The following ANKMY2 variants were observed in gnomAD, a reference collection of about 807,000 sequenced individuals.
ANKMY2 encodes the protein ankyrin repeat and MYND domain containing 2.
ANKMY2 carries 36 observed loss-of-function variants against 50.4 expected under a neutral mutation model. The observed-to-expected ratio is 0.71, with a 90% CI of 0.55 to 0.94. The LOEUF is 0.94. Among genes scored for constraint, ANKMY2 ranks in the 40% least tolerant of loss-of-function variants. ANKMY2 has a pLI of 0.00. For missense variants in ANKMY2, 565 were observed against 524.0 expected, an observed-to-expected ratio of 1.08 and a Z score of -0.76; for synonymous variants, 187 against 178.8, an observed-to-expected ratio of 1.05 and a Z score of -0.36.
intron 7 of ANKMY2, among the ~76,000 whole-genome samples, chr7:16,607,669 T>G (rs1034982914): frequency 3.3e-4 from 2 of 5,980 alleles, no homozygotes; most frequent in East Asian, 0.25. Context: ...ATTGACCTGC[T>G]TTTTTTTTTT....
intron 4 of ANKMY2, among the ~76,000 whole-genome samples, chr7:16,619,698 A>G (rs1357791): frequency 0.017 from 2,643 of 152,264 alleles, 83 homozygotes; most frequent in African/African-American, 0.06. Flanking sequence ...ATACATAAAT[A>G]AAATAATACT....
chr7:16,632,284 T>C (rs1446433803), intron 2 of ANKMY2, among the ~76,000 whole-genome samples: 1 of 152,208 alleles, frequency 6.6e-6, no homozygotes, highest in East Asian at 1.9e-4. Flanking sequence ...TCAATTAATT[T>C]GTACAAATAA....
In ANKMY2 at chr7:16,645,434, G is replaced by A. The variant is rs531039218; in HGVS notation, c.67+73C>T. ...CCGCAGCCAAAGGTCACCCAGGCCAGGAGCGCCCCCCGGGCTCCGCCACGC... is the reference window on the plus strand; with the variant it reads ...CCGCAGCCAAAGGTCACCCAGGCCAAGAGCGCCCCCCGGGCTCCGCCACGC... On this transcript the variant is annotated intron_variant, in intron 1 of 9. Transcript: ENST00000306999. The A allele has an allele frequency of 9.7e-4, 1,424 of 1,460,862 alleles. 5 individuals are homozygous for A. Among genetic ancestry groups the A allele is most frequent in the Middle Eastern group, 3.8e-3 (17 of 4,476 alleles). 90.5% of individuals were successfully genotyped at this position (1,460,862 alleles called of 1,614,324 possible).
intron 2 of ANKMY2, among the ~76,000 whole-genome samples, chr7:16,632,395 T>C (rs73310792): frequency 0.023 from 3,538 of 152,216 alleles, 152 homozygotes; most frequent in African/African-American, 0.081. Flanking sequence ...TTAGCAGTCA[T>C]TTCCCACTTC....
At chr7:16,629,530 T>C (rs544166203) in intron 2 of ANKMY2, among the ~76,000 whole-genome samples, 1 of 151,890 alleles carries the variant, frequency 6.6e-6, no homozygotes, top group African/African-American at 2.4e-5. Flanking sequence ...AGTGAGACTC[T>C]GTCTCAAAAA....
rs746533214 is a variant in ANKMY2, at chr7:16,610,528, AC to A, written c.746+20del. On this transcript the variant is annotated intron_variant, in intron 6 of 9. Transcript: ENST00000306999. ...ATATTCACTTGAGTGTATTTTATAA[AC>A]GACATAGTAAAAAGAGTACCTTTTG... 18 of 1,565,588 alleles carry A rather than the reference AC, an allele frequency of 1.1e-5. No individual in the cohort carries two copies. Among genetic ancestry groups the A allele is most frequent in the Non-Finnish European group, 8.7e-7 (1 of 1,146,478 alleles).
rs544227608 is a variant in ANKMY2 at position 16,600,841 on chromosome 7, T to C, written c.1246A>G (p.Lys416Glu). 3 of 1,613,618 alleles carry C rather than the reference T, an allele frequency of 1.9e-6. No homozygotes were observed. The African/African-American group carries it at 4.0e-5, about 22-fold the overall frequency. The change falls in exon 10 of 10, where the codon AAG becomes GAG. Residue 416 changes from lysine (K) to glutamate (E), a missense_variant. By Grantham distance (56) the Lys-to-Glu change is moderately conservative (BLOSUM62 1). Transcript: ENST00000306999. ...DSNPEDSGEG[K>E]KESLESEAEL... ...GCTTCGCTTTCAAGAGATTCTTTCT[T>C]TCCTTCCCCGGAATCTTCAGGATTG...
chr7:16,611,140 T>G (rs1781244174), intron 5 of ANKMY2, among the ~76,000 whole-genome samples: 1 of 152,220 alleles, frequency 6.6e-6, no homozygotes, highest in Non-Finnish European at 1.5e-5. Flanking sequence ...CAATAACCAC[T>G]TTTAGTTAAC....
At chr7:16,626,651 A>C (rs1439578092) in intron 3 of ANKMY2, among the ~76,000 whole-genome samples, 1 of 152,222 alleles carries the variant, frequency 6.6e-6, no homozygotes, top group Non-Finnish European at 1.5e-5. Flanking sequence ...TATTTAGTAC[A>C]TAAGTGCCAG....
intron 4 of ANKMY2, among the ~76,000 whole-genome samples, chr7:16,617,218 T>C (rs569136536): frequency 1.3e-5 from 2 of 152,334 alleles, no homozygotes; most frequent in South Asian, 4.1e-4. Flanking sequence ...CCTGTGTTGA[T>C]TTTGATGCTG....
At chr7:16,601,517 A>G (rs1199484659) in intron 9 of ANKMY2, among the ~76,000 whole-genome samples, 5 of 152,264 alleles carry the variant, frequency 3.3e-5, no homozygotes, top group Admixed American at 2.0e-4. Context: ...AAGTTTGGTC[A>G]AGAAAACAAG....
At chr7:16,621,744 C>T (rs911911226) in intron 4 of ANKMY2, among the ~76,000 whole-genome samples, 3 of 151,876 alleles carry the variant, frequency 2.0e-5, no homozygotes, top group African/African-American at 7.3e-5. Flanking sequence ...GGAGGTGGGA[C>T]GATCACCTAA....
chr7:16,643,504 T>C (rs1034584294), intron 1 of ANKMY2, among the ~76,000 whole-genome samples: 1 of 152,052 alleles, frequency 6.6e-6, no homozygotes, highest in Admixed American at 6.5e-5. Flanking sequence ...ATTGGCATGG[T>C]CCAATGAAAG....
chr7:16,609,754 C>T lies in ANKMY2; in HGVS notation c.758G>A (p.Gly253Asp), dbSNP rs1426620751. Residue 253 changes from glycine (G) to aspartate (D), a missense_variant, in exon 7 of 10, where the codon GGC (glycine) becomes GAC (aspartate). Transcript: ENST00000306999. Reference protein sequence around the residue: ...LDTLIKSLLKGRASDGFPVYQ... With the variant: ...LDTLIKSLLKDRASDGFPVYQ... ...CACTGGAAAGCCATCAGAAGCTCGG[C>T]CTTTTAACAAGCTGAAAGATATTTT... 2.5e-6 allele frequency: 4 copies of T among 1,607,754 alleles called. No individual in the cohort carries two copies. The highest frequency in any genetic ancestry group is 3.4e-6 in the Non-Finnish European group (4 of 1,178,018).
At chr7:16,606,190 C>T (rs530533691) in intron 7 of ANKMY2, among the ~76,000 whole-genome samples, 5 of 152,024 alleles carry the variant, frequency 3.3e-5, no homozygotes, top group East Asian at 2.0e-4. Context: ...CAGTACTGTG[C>T]GAGGCCAAGG....
intron 7 of ANKMY2, among the ~76,000 whole-genome samples, chr7:16,605,141 C>G (rs1583666421): frequency 3.3e-5 from 5 of 152,270 alleles, no homozygotes; most frequent in Admixed American, 3.3e-4. Flanking sequence ...TCAGTAAGCC[C>G]ATAGCGTTTC....
intron 4 of ANKMY2, among the ~76,000 whole-genome samples, chr7:16,624,111 G>C (rs1273899556): frequency 3.3e-5 from 5 of 152,064 alleles, no homozygotes; most frequent in Admixed American, 1.3e-4. Flanking sequence ...TACCCTTTAA[G>C]TGCCAAGAAA....
chr7:16,644,904 C>T, intron 1 of ANKMY2: 1 of 346,480 alleles, frequency 2.9e-6, no homozygotes, highest in Non-Finnish European at 5.7e-6. Context: ...GAGGCCTCGC[C>T]AATTTCCTTG....
intron 7 of ANKMY2, among the ~76,000 whole-genome samples, chr7:16,607,668 CTTTTTTTTTTTTT>C (rs60554872): frequency 3.1e-4 from 39 of 126,194 alleles, no homozygotes; most frequent in Middle Eastern, 4.4e-3. Context: ...TATTGACCTG[CTTTTTTTTTTTTT>C]TTTTTTTTTT....
Sources: allele counts gnomAD v4.1 joint callset (sites outside exome capture counted in the v4.1 genomes callset), GRCh38; gene constraint gnomAD v4.1.1; transcripts MANE v1.5; gene names NCBI Gene and HGNC (gene_info 2026-07-23, HGNC 2026-07-21).